The following MTHFSD variants were observed in gnomAD, a reference collection of about 807,000 sequenced individuals.
MTHFSD encodes methenyltetrahydrofolate synthetase domain containing, also known as methenyltetrahydrofolate synthase domain-containing protein.
A neutral mutation model predicts 31.1 loss-of-function variants in MTHFSD; 37 were observed. That is an observed-to-expected ratio of 1.19 (90% CI 0.91 to 1.56). MTHFSD has a LOEUF of 1.56. MTHFSD is among the 40% of genes most tolerant of loss of function. The pLI is 0.00. For missense variants in MTHFSD, 664 were observed against 510.1 expected (o/e 1.30, Z -2.91); for synonymous variants, 221 against 206.9 (o/e 1.07, Z -0.59).
In MTHFSD at chr16:86,550,040, C is replaced by T. The variant is rs545266112; in HGVS notation, c.238-1463G>A. ...CCTGTAGCTGTGGCTTGAGGTTGTG[C>T]GTGCCCCCAGCACTGCGGACTGTCC... On this transcript the variant is annotated intron_variant, in intron 3 of 7. Coordinates refer to ENST00000360900, the MANE Select transcript of MTHFSD (RefSeq NM_001159377.2). 4.6e-5 allele frequency among the ~76,000 whole-genome samples: 7 copies of T among 152,340 alleles called. No individual in the cohort carries two copies. The East Asian group carries it at 1.3e-3, about 29-fold the overall frequency.
intron 1 of MTHFSD, 192 bp downstream of exon 1, chr16:86,554,977 T>G: frequency 7.5e-7 from 1 of 1,327,756 alleles, no homozygotes. Context: ...TCCTGACATC[T>G]TTCTCGGGAT....
chr16:86,552,377 A>G, intron 2 of MTHFSD: 1 of 1,162,572 alleles, frequency 8.6e-7, no homozygotes, highest in African/African-American at 1.6e-5. Flanking sequence ...CCAGAATCTC[A>G]CCCAGACAGG....
Position 86,542,278 on chromosome 16 carries a change from C to T in MTHFSD, c.443-65G>A. ...GGGCATCGCTGAGAAGTGGATTTTCCATCAGGTCCAGTGGAAGAAGAAACT... is the reference window on the plus strand; with the variant it reads ...GGGCATCGCTGAGAAGTGGATTTTCTATCAGGTCCAGTGGAAGAAGAAACT... On this transcript the variant is annotated intron_variant, in intron 5 of 7. Coordinates refer to ENST00000360900, the MANE Select transcript of MTHFSD (RefSeq NM_001159377.2). The surrounding 1 kb of genome is among the most constrained non-coding windows in gnomAD (Gnocchi z 4.6). 3.7e-6 allele frequency: 5 copies of T among 1,369,222 alleles called. No homozygotes were observed. Among genetic ancestry groups the T allele is most frequent in the Non-Finnish European group, 4.1e-6 (4 of 980,430 alleles). The allele number at this position is 1,369,222 out of a possible 1,614,324, so 84.8% of individuals were successfully genotyped here.
At chr16:86,545,254 C>G (rs1567545492) in intron 5 of MTHFSD, among the ~76,000 whole-genome samples, 1 of 152,106 alleles carries the variant, frequency 6.6e-6, no homozygotes, top group African/African-American at 2.4e-5. Context: ...CTACTATGTA[C>G]AACGTCTACA....
At chr16:86,536,914 T>A (rs570618708) in intron 7 of MTHFSD, among the ~76,000 whole-genome samples, 1 of 152,344 alleles carries the variant, frequency 6.6e-6, no homozygotes, top group African/African-American at 2.4e-5. Context: ...ATGCTTGAGC[T>A]TTCCGTGTTG....
intron 7 of MTHFSD, among the ~76,000 whole-genome samples, chr16:86,534,412 CA>C (rs902735458): frequency 4.6e-5 from 7 of 152,180 alleles, no homozygotes; most frequent in African/African-American, 1.4e-4. Context: ...ATTTCTGCCG[CA>C]AAACCCCAAG....
chr16:86,547,592 A>G, intron 4 of MTHFSD: 3 of 983,862 alleles, frequency 3.0e-6, no homozygotes, highest in Non-Finnish European at 3.6e-6. Context: ...GACGGCTTGC[A>G]TTTGTGAATG....
At position 86,531,967 on chromosome 16, in the gene MTHFSD, C is replaced by T. The variant is rs750393246; in HGVS notation, c.*44G>A. 49 of 1,315,626 alleles carry T rather than the reference C, an allele frequency of 3.7e-5. No homozygotes were observed. Among genetic ancestry groups the T allele is most frequent in the Middle Eastern group, 2.8e-4 (1 of 3,608 alleles). The allele number at this position is 1,315,626 out of a possible 1,614,324, so 81.5% of individuals were successfully genotyped here. ...CCATCGGAACCGGAGCGGCAGGGGA[C>T]GGGGATGGCGAGTCTGCAGTGAGCT... On this transcript the variant is annotated 3_prime_UTR_variant, in exon 8 of 8. Coordinates refer to ENST00000360900, the MANE Select transcript of MTHFSD (RefSeq NM_001159377.2). The surrounding 1 kb of genome is among the most constrained non-coding windows in gnomAD (Gnocchi z 5.5).
chr16:86,552,041 C>G lies in MTHFSD; in HGVS notation c.229G>C (p.Val77Leu). Residue 77 changes from valine (V) to leucine (L), a missense_variant, in exon 3 of 8, where the codon GTG (valine) becomes CTG (leucine). Physicochemically the swap from Val to Leu is conservative, Grantham distance 32 (BLOSUM62 1). Transcript: ENST00000360900. ...CAGGGAAGTGGAATTACCTGCAGCACCAGCAGCCGAACGCCTTCCAGTGGT... is the reference window on the plus strand; with the variant it reads ...CAGGGAAGTGGAATTACCTGCAGCAGCAGCAGCCGAACGCCTTCCAGTGGT... ...DKPLEGVRLLVLQSKKTLLVP... is the reference protein window; with the variant it reads ...DKPLEGVRLLLLQSKKTLLVP... 1.9e-6 allele frequency: 3 copies of G among 1,614,168 alleles called. No homozygotes were observed. Among genetic ancestry groups the G allele is most frequent in the Non-Finnish European group, 2.5e-6 (3 of 1,180,028 alleles).
Position 86,552,086 on chromosome 16 carries a change from C to A in MTHFSD, c.184G>T (p.Val62Phe), listed in dbSNP as rs778950673. The change falls in exon 3 of 8, where the codon GTT becomes TTT. Residue 62 changes from valine (V) to phenylalanine (F), a missense_variant. Coordinates refer to ENST00000360900, the MANE Select transcript of MTHFSD (RefSeq NM_001159377.2). ...DLDVFARTQE[V>F]KVDPDKPLEG... Reference sequence around the variant, plus strand: ...AGTGGTTTATCAGGGTCCACTTTAACTTCCTGTGTTCTGGCAAAAACGTCT... The same window carrying A: ...AGTGGTTTATCAGGGTCCACTTTAAATTCCTGTGTTCTGGCAAAAACGTCT... 1 of 1,614,196 alleles carries A rather than the reference C, an allele frequency of 6.2e-7. No individual in the cohort carries two copies. Among genetic ancestry groups the A allele is most frequent in the South Asian group, 1.1e-5 (1 of 91,086 alleles).
chr16:86,535,051 C>T (rs1246102102), intron 7 of MTHFSD, among the ~76,000 whole-genome samples: 7 of 152,216 alleles, frequency 4.6e-5, no homozygotes, highest in African/African-American at 7.2e-5. Flanking sequence ...TGAAACATGC[C>T]GTGGGAAAGA....
chr16:86,554,783 C>G (rs765074885), intron 1 of MTHFSD, 32 bp from the exon 2 acceptor site: 1 of 1,567,072 alleles, frequency 6.4e-7, no homozygotes, highest in Non-Finnish European at 8.8e-7. Context: ...TAATAACATA[C>G]AAAGGAATTC....
At chr16:86,552,473 C>G (rs1489589278) in intron 2 of MTHFSD, among the ~76,000 whole-genome samples, 3 of 152,170 alleles carry the variant, frequency 2.0e-5, no homozygotes, top group Non-Finnish European at 4.4e-5. Context: ...CCCACTTGAG[C>G]TTTAACTGAA....
intron 7 of MTHFSD, chr16:86,535,236 G>A: frequency 2.0e-6 from 2 of 985,422 alleles, no homozygotes; most frequent in African/African-American, 1.7e-5. Flanking sequence ...GTGGAAGTGT[G>A]TTCCACTGCA....
chr16:86,543,598 G>C (rs1266823549), intron 5 of MTHFSD, among the ~76,000 whole-genome samples: 1 of 152,244 alleles, frequency 6.6e-6, no homozygotes, highest in African/African-American at 2.4e-5. Context: ...CCAGCCCGCA[G>C]TGCTGACAGG....
Position 86,536,762 on chromosome 16 carries a change from T to C in MTHFSD, c.682-4281A>G, listed in dbSNP as rs575092129. 2.6e-5 allele frequency among the ~76,000 whole-genome samples: 4 copies of C among 152,382 alleles called. No homozygotes were observed. In the South Asian group the frequency reaches 6.2e-4, roughly 24 times the overall value. On this transcript the variant is annotated intron_variant, in intron 7 of 7. Transcript: ENST00000360900. ...CGCCTTGGCTCCTGCCTGGCCCTCA[T>C]TGCGAGGCCCGCGGGAGTGGCTGCC... is the stretch of plus-strand genomic sequence containing the variant.
Position 86,532,094 on chromosome 16 carries a change from G to A in MTHFSD, c.1069C>T (p.Gln357Ter), listed in dbSNP as rs779136908. The change falls in exon 8 of 8, where the codon CAG becomes TAG. Residue 357 changes from glutamine (Q) to a stop codon, truncating the protein, a stop_gained. Transcript: ENST00000360900. LOFTEE classifies it low-confidence loss of function (END_TRUNC). ...LHYPDSAAAQ[Q>*]AVSCLQGLRL... ...AGGCCCTGCAAGCAGGAGACGGCCT[G>A]CTGGGCTGCGGCAGAGTCCGGGTAA... The A allele has an allele frequency of 2.3e-5, 35 of 1,535,660 alleles. No individual in the cohort carries two copies. The highest frequency in any genetic ancestry group is 1.6e-4 in the South Asian group (13 of 80,996).
rs749138058 is a variant in MTHFSD, at chr16:86,542,254, G to A, written c.443-41C>T. On this transcript the variant is annotated intron_variant, in intron 5 of 7. Transcript: ENST00000360900. This position sits in a 1 kb window ranked among gnomAD's most constrained non-coding sequence, Gnocchi z 4.6. The stretch of plus-strand genomic sequence containing the variant: ...GAATCAGTATCGCTGTGCGGTCCGG[G>A]GCATCGCTGAGAAGTGGATTTTCCA... 3.9e-6 allele frequency: 6 copies of A among 1,535,866 alleles called. No homozygotes were observed. Among genetic ancestry groups the A allele is most frequent in the Non-Finnish European group, 5.4e-6 (6 of 1,117,114 alleles).
intron 3 of MTHFSD, among the ~76,000 whole-genome samples, chr16:86,549,548 T>A (rs984362130): frequency 6.6e-6 from 1 of 152,208 alleles, no homozygotes; most frequent in African/African-American, 2.4e-5. Context: ...GGCTCCCTCA[T>A]GGGCAGTGTT....
Sources: allele counts gnomAD v4.1 joint callset (sites outside exome capture counted in the v4.1 genomes callset), GRCh38; gene constraint gnomAD v4.1.1; non-coding constraint Gnocchi (gnomAD v3.1); transcripts MANE v1.5; gene names NCBI Gene and HGNC (gene_info 2026-07-23, HGNC 2026-07-21).